THSD7B: variants seen among roughly 807,000 people sequenced by gnomAD.
The protein encoded by THSD7B is thrombospondin type-1 domain-containing protein 7B.
THSD7B carries 138 observed loss-of-function variants against 213.6 expected under a neutral mutation model. The observed-to-expected ratio is 0.65, with a 90% CI of 0.56 to 0.74. THSD7B has a LOEUF of 0.74. Ranked by LOEUF, THSD7B falls within the 30% of genes least tolerant of loss-of-function variation. THSD7B has a pLI of 0.00. For synonymous variants in THSD7B, 742 were observed against 687.0 expected (o/e 1.08, Z -1.25); for missense variants, 1,931 against 1,991.5 (o/e 0.97, Z 0.58).
At chr2:136,860,432 A>G (rs1026790792) in intron 1 of THSD7B, among the ~76,000 whole-genome samples, 1 of 152,188 alleles carries the variant, frequency 6.6e-6, no homozygotes, top group Admixed American at 6.5e-5. Context: ...TTGGATGAAT[A>G]ATAAGCATTT....
At chr2:136,877,032 T>G (rs1683536409) in intron 1 of THSD7B, among the ~76,000 whole-genome samples, 1 of 152,190 alleles carries the variant, frequency 6.6e-6, no homozygotes, top group Non-Finnish European at 1.5e-5. Flanking sequence ...GATGGTGATG[T>G]GTGCGTCTGT....
At chr2:137,594,863 G>T (rs1681930310) in intron 17 of THSD7B, among the ~76,000 whole-genome samples, 1 of 151,828 alleles carries the variant, frequency 6.6e-6, no homozygotes. Flanking sequence ...TCTCTCCATT[G>T]TTAAGATCTT....
chr2:136,987,152 G>A (rs1685686735), intron 2 of THSD7B, among the ~76,000 whole-genome samples: 1 of 152,138 alleles, frequency 6.6e-6, no homozygotes, highest in Non-Finnish European at 1.5e-5. Flanking sequence ...TCAATATGTC[G>A]CATATCTAGG....
At chr2:137,543,086 T>G (rs1680638258) in intron 15 of THSD7B, among the ~76,000 whole-genome samples, 1 of 151,768 alleles carries the variant, frequency 6.6e-6, no homozygotes, top group Non-Finnish European at 1.5e-5. Context: ...TTCACACTTT[T>G]AGAAGCTGCC....
At chr2:136,957,933 A>G (rs1685155175) in intron 2 of THSD7B, among the ~76,000 whole-genome samples, 1 of 152,210 alleles carries the variant, frequency 6.6e-6, no homozygotes, top group Admixed American at 6.5e-5. Context: ...CAGGATATAT[A>G]AAGGTCTACA....
At chr2:136,910,561 G>A (rs1053687229) in intron 2 of THSD7B, among the ~76,000 whole-genome samples, 1 of 152,148 alleles carries the variant, frequency 6.6e-6, no homozygotes, top group Non-Finnish European at 1.5e-5. Flanking sequence ...AAAAATTGAT[G>A]GTCCTGAGGT....
intron 2 of THSD7B, among the ~76,000 whole-genome samples, chr2:137,012,915 G>A (rs971542329): frequency 6.6e-6 from 1 of 152,136 alleles, no homozygotes; most frequent in African/African-American, 2.4e-5. Context: ...GAAACTACCT[G>A]GAGTATAGAC....
chr2:137,317,782 G>A (rs898060994), intron 12 of THSD7B, among the ~76,000 whole-genome samples: 1 of 152,098 alleles, frequency 6.6e-6, no homozygotes, highest in African/African-American at 2.4e-5. Context: ...GCTGGGCATG[G>A]TGGCGCACAC....
chr2:137,565,525 G>T (rs1369565318), intron 16 of THSD7B, among the ~76,000 whole-genome samples: 1 of 152,132 alleles, frequency 6.6e-6, no homozygotes, highest in Non-Finnish European at 1.5e-5. Context: ...ACATTCATAA[G>T]GGTTCCACCT....
chr2:136,837,960 T>C (rs974675830), intron 1 of THSD7B, among the ~76,000 whole-genome samples: 11 of 152,356 alleles, frequency 7.2e-5, no homozygotes, highest in African/African-American at 2.6e-4. Context: ...ATTCTGGCTG[T>C]CTAGTTACTA....
intron 2 of THSD7B, among the ~76,000 whole-genome samples, chr2:136,969,462 G>A (rs1317051580): frequency 6.6e-6 from 1 of 152,148 alleles, no homozygotes; most frequent in East Asian, 1.9e-4. Flanking sequence ...TCTTAATAAT[G>A]TTTGAATTTC....
chr2:136,775,799 G>C (rs16836595), intron 1 of THSD7B, among the ~76,000 whole-genome samples: 19,123 of 152,086 alleles, frequency 0.13, 1,354 homozygotes, highest in South Asian at 0.2. Flanking sequence ...TAAGTGCATA[G>C]AATATGCTGC....
intron 7 of THSD7B, among the ~76,000 whole-genome samples, chr2:137,222,584 C>T (rs111781059): frequency 6.6e-5 from 10 of 152,130 alleles, no homozygotes; most frequent in African/African-American, 9.7e-5. Context: ...TGTATACCTT[C>T]GTGGGCAAGA....
At chr2:136,979,598 GT>G (rs1685540509) in intron 2 of THSD7B, among the ~76,000 whole-genome samples, 1 of 152,068 alleles carries the variant, frequency 6.6e-6, no homozygotes, top group African/African-American at 2.4e-5. Flanking sequence ...GCATTGTGAA[GT>G]TCTCAAGTTG....
rs545913228 is a variant in THSD7B, at chr2:137,283,610, C to T, written c.2500+7584C>T. 3.9e-3 allele frequency among the ~76,000 whole-genome samples: 588 copies of T among 151,496 alleles called. 2 individuals are homozygous for T. Among genetic ancestry groups the T allele is most frequent in the Non-Finnish European group, 4.6e-3 (312 of 67,892 alleles). ...TTTATTGAGAGTTTTTAGCATGAAGCGTTGTTGAATTTTGTCAAAGGCCTT... is the reference window on the plus strand; with the variant it reads ...TTTATTGAGAGTTTTTAGCATGAAGTGTTGTTGAATTTTGTCAAAGGCCTT... On this transcript the variant is annotated intron_variant, in intron 12 of 27. Coordinates refer to ENST00000409968, the MANE Select transcript of THSD7B (RefSeq NM_001316349.2).
chr2:137,443,647 A>T (rs1687467072), intron 14 of THSD7B, among the ~76,000 whole-genome samples: 1 of 152,068 alleles, frequency 6.6e-6, no homozygotes, highest in South Asian at 2.1e-4. Flanking sequence ...TATCTCAACC[A>T]AGTCTGAGTT....
At chr2:136,979,560 A>T (rs531489683) in intron 2 of THSD7B, among the ~76,000 whole-genome samples, 16 of 151,532 alleles carry the variant, frequency 1.1e-4, no homozygotes, top group African/African-American at 3.4e-4. Context: ...CCTCCACTTG[A>T]TCTATTTGGT....
chr2:137,398,735 G>A (rs531035288), intron 12 of THSD7B, among the ~76,000 whole-genome samples: 1 of 152,196 alleles, frequency 6.6e-6, no homozygotes, highest in African/African-American at 2.4e-5. Context: ...AATCAAGCCT[G>A]GGCAATGGTG....
Position 137,537,138 on chromosome 2 carries a change from G to A in THSD7B, c.3139-26083G>A, listed in dbSNP as rs182345578. Reference sequence around the variant, plus strand: ...CATTGATCTAAATTCCAATGCATGGGCAGTCATCATCAAGCTTTGGTATTA... The same window carrying A: ...CATTGATCTAAATTCCAATGCATGGACAGTCATCATCAAGCTTTGGTATTA... On this transcript the variant is annotated intron_variant, in intron 15 of 27. Transcript: ENST00000409968. 1.7e-3 allele frequency among the ~76,000 whole-genome samples: 265 copies of A among 151,864 alleles called. 2 individuals are homozygous for A. The highest frequency in any genetic ancestry group is 5.5e-3 in the Admixed American group (84 of 15,230).
Sources: gnomAD v4.1 joint callset for allele counts (sites outside exome capture counted in the v4.1 genomes callset) on GRCh38, gnomAD v4.1.1 for gene constraint, MANE v1.5 for transcripts, NCBI Gene and HGNC (gene_info 2026-07-23, HGNC 2026-07-21) for gene names.